The following TMEM260 variants were observed in gnomAD, a reference collection of about 807,000 sequenced individuals.
The protein encoded by TMEM260 is protein O-mannosyl-transferase TMEM260.
In TMEM260, 82 loss-of-function variants were observed where a neutral mutation model predicts 88.9. The ratio of observed to expected loss-of-function variants is 0.92; its 90% CI spans 0.77 to 1.11. TMEM260 has a LOEUF of 1.11. Ranked by LOEUF, TMEM260 falls within the 50% of genes least tolerant of loss-of-function variation. TMEM260 has a pLI of 0.00. For synonymous variants in TMEM260, 314 were observed against 309.3 expected, an observed-to-expected ratio of 1.02 and a Z score of -0.16; for missense variants, 902 against 853.4, an observed-to-expected ratio of 1.06 and a Z score of -0.71.
At chr14:56,593,122 G>A (rs2139518914) in intron 3 of TMEM260, 1 of 152,320 alleles carries the variant, frequency 6.6e-6, no homozygotes, top group African/African-American at 2.4e-5. Flanking sequence ...CAGATGAATA[G>A]TATTCCATCA....
chr14:56,630,010 C>T (rs547685243), intron 12 of TMEM260, among the ~76,000 whole-genome samples: 7 of 150,454 alleles, frequency 4.7e-5, no homozygotes, highest in African/African-American at 1.7e-4. Context: ...CACTGCACTC[C>T]AGCCTAGGCA....
At position 56,605,121 on chromosome 14, in the gene TMEM260, G is replaced by C. The variant is rs550748689; in HGVS notation, c.523-449G>C. 5.1e-4 allele frequency among the ~76,000 whole-genome samples: 78 copies of C among 152,270 alleles called. No homozygotes were observed. In the Middle Eastern group the frequency reaches 0.024, roughly 46 times the overall value. ...GAGTTTGGTCAACGAGAGAATCTTT[G>C]CCAGTTATGAAACTAACACATGTTG... On this transcript the variant is annotated intron_variant, in intron 4 of 15. Coordinates refer to ENST00000261556, the MANE Select transcript of TMEM260 (RefSeq NM_017799.4).
intron 15 of TMEM260, among the ~76,000 whole-genome samples, chr14:56,640,522 T>G (rs1889503408): frequency 6.6e-6 from 1 of 151,738 alleles, no homozygotes; most frequent in African/African-American, 2.4e-5. Context: ...AGACCGAAGG[T>G]AGATAAAACC....
At chr14:56,644,751 C>CATCT (rs772537187) in intron 15 of TMEM260, among the ~76,000 whole-genome samples, 2 of 151,292 alleles carry the variant, frequency 1.3e-5, no homozygotes, top group Admixed American at 6.6e-5. Context: ...GCAACTTACT[C>CATCT]GACAAAGGGC....
intron 6 of TMEM260, among the ~76,000 whole-genome samples, chr14:56,609,833 CAT>C (rs1324603429): frequency 2.6e-5 from 4 of 152,102 alleles, no homozygotes; most frequent in African/African-American, 4.8e-5. Flanking sequence ...TTTCCTAAGA[CAT>C]ATTAGGGGAA....
At chr14:56,596,192 T>A (rs1886194059) in intron 3 of TMEM260, among the ~76,000 whole-genome samples, 1 of 151,962 alleles carries the variant, frequency 6.6e-6, no homozygotes, top group Non-Finnish European at 1.5e-5. Context: ...AATAATGGTG[T>A]AAGTAATTTT....
At chr14:56,632,437 G>A (rs746928592) in intron 12 of TMEM260, among the ~76,000 whole-genome samples, 12 of 152,234 alleles carry the variant, frequency 7.9e-5, no homozygotes, top group East Asian at 3.9e-4. Flanking sequence ...TGCTGCCTCC[G>A]CTAATGCCAC....
rs1890123705 is a variant in TMEM260 at position 56,648,929 on chromosome 14, T to G, written c.*1432T>G. Reference sequence around the variant, plus strand: ...CGAGCTGAATTTGCCCCTTGTCAGCTGCCAGTAAATAAATCTCAAAGGGGG... The same window carrying G: ...CGAGCTGAATTTGCCCCTTGTCAGCGGCCAGTAAATAAATCTCAAAGGGGG... On this transcript the variant is annotated 3_prime_UTR_variant, in exon 16 of 16. Coordinates refer to ENST00000261556, the MANE Select transcript of TMEM260 (RefSeq NM_017799.4). 1 of 152,662 alleles carries G rather than the reference T, an allele frequency of 6.6e-6. No homozygotes were observed. The highest frequency in any genetic ancestry group is 1.5e-5 in the Non-Finnish European group (1 of 68,054). The allele number at this position is 152,662 out of a possible 1,614,324, so 9.5% of individuals were successfully genotyped here.
At chr14:56,632,863 G>A in intron 12 of TMEM260, 132 bp from the exon 13 acceptor site, 1 of 765,130 alleles carries the variant, frequency 1.3e-6, no homozygotes, top group South Asian at 1.9e-5. Context: ...AGGTAGTTAA[G>A]TAATTTTTCC....
the TMEM260 span, among the ~76,000 whole-genome samples, chr14:56,658,365 A>G: frequency 6.6e-6 from 1 of 152,006 alleles, no homozygotes; most frequent in Non-Finnish European, 1.5e-5. Context: ...CTTGTGCCTC[A>G]GCCTCCTGAG....
chr14:56,610,446 G>C (rs2139570330), intron 6 of TMEM260, among the ~76,000 whole-genome samples: 1 of 152,168 alleles, frequency 6.6e-6, no homozygotes, highest in Non-Finnish European at 1.5e-5. Context: ...GTTTCACCAT[G>C]TTAGCCAGGA....
At chr14:56,623,956 A>G (rs868209142) in intron 11 of TMEM260, among the ~76,000 whole-genome samples, 1 of 152,214 alleles carries the variant, frequency 6.6e-6, no homozygotes, top group African/African-American at 2.4e-5. Flanking sequence ...ATATCAAAGT[A>G]TAGAGTTAAG....
At chr14:56,651,502 T>C (rs1890206498), downstream of TMEM260, among the ~76,000 whole-genome samples, 1 of 152,208 alleles carries the variant, frequency 6.6e-6, no homozygotes, top group Non-Finnish European at 1.5e-5. Context: ...ATTATTGGCC[T>C]GAAAGTGGAG....
the TMEM260 span, among the ~76,000 whole-genome samples, chr14:56,659,387 T>C: frequency 6.6e-6 from 1 of 152,170 alleles, no homozygotes; most frequent in African/African-American, 2.4e-5. Flanking sequence ...CTTTATGACT[T>C]GGGTGCACCA....
intron 1 of TMEM260, among the ~76,000 whole-genome samples, chr14:56,584,222 A>C (rs572679338): frequency 2.6e-5 from 4 of 152,142 alleles, no homozygotes; most frequent in African/African-American, 4.8e-5. Context: ...ACAGTAGTAC[A>C]TTTCCTAATA....
chr14:56,608,487 T>A (rs1306007820), intron 5 of TMEM260, among the ~76,000 whole-genome samples: 1 of 152,232 alleles, frequency 6.6e-6, no homozygotes. Context: ...ATAAGGTGTA[T>A]GAAGCAGCAT....
Position 56,633,095 on chromosome 14 carries a change from T to A in TMEM260, c.1648T>A (p.Leu550Met), listed in dbSNP as rs192717599. ...PWGSCDKLVP[L>M]EIVFNPEEWI... ...GGGGTCTTGTGACAAATTAGTTCCT[T>A]TGGAGATTGTATTCAACCCTGAGGA... Residue 550 changes from leucine to methionine, a missense_variant, in exon 13 of 16, where the codon TTG (leucine) becomes ATG (methionine). Physicochemically the swap from Leu to Met is conservative, Grantham distance 15 (BLOSUM62 2). Transcript: ENST00000261556. 11 of 1,613,844 alleles carry A rather than the reference T, an allele frequency of 6.8e-6. No homozygotes were observed. The Admixed American group carries it at 1.7e-4, about 24-fold the overall frequency.
rs140082361 is a variant in TMEM260 at position 56,594,016 on chromosome 14, G to A, written c.344+8104G>A. ...GTGTCTTTTATAATACAAGGGCTGT[G>A]TTATTAAAATTATCATAGTGGTGGT... On this transcript the variant is annotated intron_variant, in intron 3 of 15. Transcript: ENST00000261556. Among the ~76,000 whole-genome samples, 641 of 152,208 alleles carry A rather than the reference G, an allele frequency of 4.2e-3. 2 individuals are homozygous for A. Among genetic ancestry groups the A allele is most frequent in the African/African-American group, 0.015 (611 of 41,532 alleles).
intron 2 of TMEM260, among the ~76,000 whole-genome samples, chr14:56,585,466 A>G (rs1885432260): frequency 6.6e-6 from 1 of 152,002 alleles, no homozygotes; most frequent in African/African-American, 2.4e-5. Context: ...TAGCCTTTTA[A>G]ATGACCCTAA....
Sources: gnomAD v4.1 joint callset for allele counts (sites outside exome capture counted in the v4.1 genomes callset) on GRCh38, gnomAD v4.1.1 for gene constraint, MANE v1.5 for transcripts, NCBI Gene and HGNC (gene_info 2026-07-23, HGNC 2026-07-21) for gene names.